The following TCF20 variants were observed in gnomAD, a reference collection of about 807,000 sequenced individuals.
TCF20 encodes the protein SPRE-binding protein.
TCF20 carries 3 observed loss-of-function variants against 148.6 expected under a neutral mutation model. The ratio of observed to expected loss-of-function variants is 0.02; its 90% CI spans 0.01 to 0.05. The LOEUF (loss-of-function observed/expected upper bound fraction) is 0.05, where lower values mean the gene tolerates loss of function less well. TCF20 is among the 10% of genes least tolerant of loss of function. The probability of loss-of-function intolerance (pLI) is 1.00; values close to 1 mark genes in which losing one functional copy is unlikely to be tolerated. For missense variants in TCF20, 2,350 were observed against 2,429.3 expected, an observed-to-expected ratio of 0.97 and a Z score of 0.69; for synonymous variants, 1,049 against 909.5, an observed-to-expected ratio of 1.15 and a Z score of -2.76.
chr22:42,315,696 G>A (rs953341057), intron 1 of TCF20, among the ~76,000 whole-genome samples: 2 of 152,144 alleles, frequency 1.3e-5, no homozygotes, highest in African/African-American at 4.8e-5. Flanking sequence ...TACCATCCTG[G>A]GACAGGGCTG....
chr22:42,252,332 T>C (rs1219131381), intron 1 of TCF20, among the ~76,000 whole-genome samples: 2 of 151,726 alleles, frequency 1.3e-5, no homozygotes, highest in African/African-American at 4.8e-5. Flanking sequence ...TTCAGAATTA[T>C]GGCCTAAACC....
At chr22:42,185,161 G>A (rs1601543256) in intron 2 of TCF20, among the ~76,000 whole-genome samples, 1 of 152,166 alleles carries the variant, frequency 6.6e-6, no homozygotes, top group Non-Finnish European at 1.5e-5. Flanking sequence ...AAGCAACTGG[G>A]TCACAGTAGT....
At chr22:42,340,385 C>T (rs1360271556) in intron 1 of TCF20, among the ~76,000 whole-genome samples, 1 of 152,194 alleles carries the variant, frequency 6.6e-6, no homozygotes, top group African/African-American at 2.4e-5. Context: ...TCCCTTCCCG[C>T]GGTAGCCTGC....
intron 1 of TCF20, among the ~76,000 whole-genome samples, chr22:42,235,055 T>C (rs186565886): frequency 1.2e-4 from 18 of 151,828 alleles, no homozygotes; most frequent in East Asian, 3.9e-4. Flanking sequence ...GGCAGGAGAA[T>C]TGCTTGAGCC....
chr22:42,210,629 T>C lies in TCF20; in HGVS notation c.4677A>G (p.Pro1559=), dbSNP rs772078271. The change falls in exon 2 of 6, where the codon CCA becomes CCG. Residue 1559 remains proline (P), a synonymous_variant. Transcript: ENST00000677622. The surrounding 1 kb of genome is among the most constrained non-coding windows in gnomAD (Gnocchi z 4.7). ...CTGGTATCTGTGGGGGCTGAGGGGG[T>C]GGAGGCGGTGGCTGCTGCTGTTTCT... ...KQKKQQQPPP[P]PPQPPQIPEG... The C allele has an allele frequency of 6.2e-7, 1 of 1,613,854 alleles. No homozygotes were observed. Among genetic ancestry groups the C allele is most frequent in the Non-Finnish European group, 8.5e-7 (1 of 1,179,974 alleles).
intron 1 of TCF20, among the ~76,000 whole-genome samples, chr22:42,255,804 C>T (rs951015729): frequency 2.6e-5 from 4 of 152,078 alleles, no homozygotes; most frequent in African/African-American, 9.7e-5. Flanking sequence ...CGCCCCCAAC[C>T]ATGTATTCAC....
intron 2 of TCF20, among the ~76,000 whole-genome samples, chr22:42,181,398 G>T (rs150874325): frequency 8.5e-4 from 130 of 152,106 alleles, no homozygotes; most frequent in African/African-American, 3.1e-3. Flanking sequence ...GGCCAAGCTG[G>T]TCTCAAACTC....
At chr22:42,198,933 G>C (rs1349905766) in intron 2 of TCF20, among the ~76,000 whole-genome samples, 2 of 152,294 alleles carry the variant, frequency 1.3e-5, no homozygotes, top group East Asian at 1.9e-4. Flanking sequence ...CCAAGGTTCT[G>C]GGATTACAGG....
chr22:42,262,390 G>A (rs971772393), intron 1 of TCF20, among the ~76,000 whole-genome samples: 7 of 152,122 alleles, frequency 4.6e-5, no homozygotes, highest in Admixed American at 1.3e-4. Context: ...GAGAAAAGGA[G>A]GAATCTGATT....
chr22:42,303,334 G>A lies in TCF20; in HGVS notation c.-37+40145C>T, dbSNP rs1039286771. Among the ~76,000 whole-genome samples the A allele has an allele frequency of 2.0e-5, 3 of 152,236 alleles. No individual in the cohort carries two copies. The East Asian group carries it at 5.8e-4, about 29-fold the overall frequency. On this transcript the variant is annotated intron_variant, in intron 1 of 1. Transcript: ENST00000515426. ...GGAGCTGAGGGGTATCCACACTATC[G>A]TGCAGAGGAGACCGAGGCTCAGAGA...
intron 1 of TCF20, chr22:42,269,903 A>G (rs2147000392): frequency 6.6e-6 from 1 of 152,134 alleles, no homozygotes; most frequent in East Asian, 1.9e-4. Context: ...GCCCGTAGCC[A>G]AGAGGCGAGC....
At chr22:42,201,042 C>T (rs1026157850) in intron 2 of TCF20, among the ~76,000 whole-genome samples, 1 of 152,166 alleles carries the variant, frequency 6.6e-6, no homozygotes. Flanking sequence ...GGTGCTATTC[C>T]TGTGATACTG....
At chr22:42,246,597 T>G (rs1924928578) in intron 1 of TCF20, among the ~76,000 whole-genome samples, 1 of 152,214 alleles carries the variant, frequency 6.6e-6, no homozygotes, top group Admixed American at 6.5e-5. Context: ...CAATGCACCG[T>G]AGAGGATACG....
chr22:42,177,977 T>G (rs558517486), intron 3 of TCF20, among the ~76,000 whole-genome samples: 2 of 152,230 alleles, frequency 1.3e-5, no homozygotes, highest in Non-Finnish European at 2.9e-5. Context: ...CTTGGAACTG[T>G]TAGCTCTACC....
At chr22:42,237,964 G>A (rs1924030270) in intron 1 of TCF20, among the ~76,000 whole-genome samples, 1 of 152,174 alleles carries the variant, frequency 6.6e-6, no homozygotes, top group African/African-American at 2.4e-5. Context: ...TTATTAGAAT[G>A]GTAAATGAGC....
chr22:42,258,267 C>G (rs1194277985), intron 1 of TCF20, among the ~76,000 whole-genome samples: 1 of 151,924 alleles, frequency 6.6e-6, no homozygotes, highest in Non-Finnish European at 1.5e-5. Context: ...TCCATACCTC[C>G]CCCCCCTTCC....
At chr22:42,303,816 G>A (rs1204213310) in intron 1 of TCF20, among the ~76,000 whole-genome samples, 1 of 151,960 alleles carries the variant, frequency 6.6e-6, no homozygotes, top group Non-Finnish European at 1.5e-5. Context: ...GGTGAGAGGA[G>A]GAGGGGCAGG....
At chr22:42,221,543 G>T (rs758899451) in intron 1 of TCF20, among the ~76,000 whole-genome samples, 8 of 152,066 alleles carry the variant, frequency 5.3e-5, no homozygotes, top group Non-Finnish European at 1.2e-4. Context: ...CTATGACATA[G>T]AACAGGGACT....
At chr22:42,179,531 C>G in intron 3 of TCF20, 78 bp downstream of exon 3, 1 of 524,614 alleles carries the variant, frequency 1.9e-6, no homozygotes. Flanking sequence ...AGAAAAAAAA[C>G]AACGACAACA....
Sources: allele counts gnomAD v4.1 joint callset (sites outside exome capture counted in the v4.1 genomes callset), GRCh38; gene constraint gnomAD v4.1.1; non-coding constraint Gnocchi (gnomAD v3.1); transcripts MANE v1.5; gene names NCBI Gene and HGNC (gene_info 2026-07-23, HGNC 2026-07-21).